Variants in PFKFB4 observed in about 807,000 individuals in gnomAD.
PFKFB4 encodes 6-phosphofructo-2-kinase/fructose-2,6-bisphosphatase 4.
A neutral mutation model predicts 62.8 loss-of-function variants in PFKFB4; 42 were observed. That is an observed-to-expected ratio of 0.67 (90% CI 0.52 to 0.86). The LOEUF (loss-of-function observed/expected upper bound fraction) is 0.86. Among genes scored for constraint, PFKFB4 ranks in the 40% least tolerant of loss-of-function variants. PFKFB4 has a pLI of 0.00. For synonymous variants in PFKFB4, 204 were observed against 240.7 expected, an observed-to-expected ratio of 0.85 and a Z score of 1.41; for missense variants, 475 against 627.2, an observed-to-expected ratio of 0.76 and a Z score of 2.59.
chr3:48,534,902 G>T (rs1315121103), intron 9 of PFKFB4, among the ~76,000 whole-genome samples: 1 of 151,736 alleles, frequency 6.6e-6, no homozygotes, highest in Non-Finnish European at 1.5e-5. Context: ...TCTGTCTCCT[G>T]GGTTCAAGCA....
rs1045071889 is a variant in PFKFB4, at chr3:48,527,981, G to T, written c.988-2312C>A. 3.3e-5 allele frequency among the ~76,000 whole-genome samples: 5 copies of T among 151,942 alleles called. 1 individual carries two copies. The South Asian group carries it at 6.2e-4, about 19-fold the overall frequency. On this transcript the variant is annotated intron_variant, in intron 9 of 13. Transcript: ENST00000232375. ...TGGGATTACAGTCATGAGCCACTACGCCCGGCCAGCTTCCACCATCGTAAA... is the reference window on the plus strand; with the variant it reads ...TGGGATTACAGTCATGAGCCACTACTCCCGGCCAGCTTCCACCATCGTAAA...
chr3:48,539,911 C>CTG, intron 4 of PFKFB4, 140 bp from the exon 5 acceptor site: 1 of 685,812 alleles, frequency 1.5e-6, no homozygotes. Context: ...GCTGCCAGGT[C>CTG]CACCTGCCTG....
At chr3:48,544,671 T>C (rs1387750322) in intron 3 of PFKFB4, among the ~76,000 whole-genome samples, 1 of 151,932 alleles carries the variant, frequency 6.6e-6, no homozygotes, top group Non-Finnish European at 1.5e-5. Flanking sequence ...TACACAATCT[T>C]TTTAAGTTCT....
At position 48,525,629 on chromosome 3, in the gene PFKFB4, T is replaced by C. The variant is rs1265711921; in HGVS notation, c.1028A>G (p.Asn343Ser). The change falls in exon 10 of 14, where the codon AAT becomes AGT. Residue 343 changes from asparagine (N) to serine (S), a missense_variant. Coordinates refer to ENST00000232375, the MANE Select transcript of PFKFB4 (RefSeq NM_004567.4). Reference protein sequence around the residue: ...EEMTYEEIQDNYPLEFALRDQ... With the variant: ...EEMTYEEIQDSYPLEFALRDQ... ...CCGCAGGGCGAACTCCAGTGGATAATTATCCTGAATTTCCTCGTAGGTCAT... is the reference window on the plus strand; with the variant it reads ...CCGCAGGGCGAACTCCAGTGGATAACTATCCTGAATTTCCTCGTAGGTCAT... 4 of 1,608,018 alleles carry C rather than the reference T, an allele frequency of 2.5e-6. No homozygotes were observed. The highest frequency in any genetic ancestry group is 1.1e-5 in the South Asian group (1 of 90,636).
intron 7 of PFKFB4, among the ~76,000 whole-genome samples, chr3:48,537,516 CTTTTTTTTTTTTTT>C (rs34454675): frequency 5.5e-5 from 5 of 91,392 alleles, no homozygotes; most frequent in South Asian, 3.6e-4. Flanking sequence ...CATGTGCATC[CTTTTTTTTTTTTTT>C]TTTTTTTTTT....
chr3:48,529,556 T>C (rs1367210013), intron 9 of PFKFB4, among the ~76,000 whole-genome samples: 2 of 152,152 alleles, frequency 1.3e-5, no homozygotes, highest in African/African-American at 4.8e-5. Flanking sequence ...GAAGACACTG[T>C]CCTATAACCT....
At position 48,523,815 on chromosome 3, in the gene PFKFB4, C is replaced by T. The variant is rs1270237148; in HGVS notation, c.1108G>A (p.Val370Ile). Reference protein sequence around the residue: ...YPKGESYEDLVQRLEPVIMEL... With the variant: ...YPKGESYEDLIQRLEPVIMEL... ...ATGATGACAGGCTCCAGTCTCTGGA[C>T]CAGGTCCTCGTAGGACTGCAAGGGC... Residue 370 changes from valine (V) to isoleucine (I), a missense_variant, in exon 11 of 14, where the codon GTC becomes ATC. Coordinates refer to ENST00000232375, the MANE Select transcript of PFKFB4 (RefSeq NM_004567.4). The T allele has an allele frequency of 1.9e-6, 3 of 1,614,056 alleles. No individual in the cohort carries two copies. Among genetic ancestry groups the T allele is most frequent in the Non-Finnish European group, 1.7e-6 (2 of 1,179,934 alleles).
At chr3:48,553,870 G>A (rs1479430217) in intron 1 of PFKFB4, among the ~76,000 whole-genome samples, 2 of 152,210 alleles carry the variant, frequency 1.3e-5, no homozygotes, top group Non-Finnish European at 2.9e-5. Flanking sequence ...TACCCAGGAA[G>A]AGTCTTGCCA....
intron 9 of PFKFB4, among the ~76,000 whole-genome samples, chr3:48,531,803 G>A (rs1186798144): frequency 2.6e-5 from 4 of 151,528 alleles, no homozygotes; most frequent in African/African-American, 7.3e-5. Context: ...TTAAAAAAAA[G>A]AAAAAATATA....
intron 9 of PFKFB4, among the ~76,000 whole-genome samples, chr3:48,533,023 TAG>T (rs997250417): frequency 2.0e-5 from 3 of 152,206 alleles, no homozygotes; most frequent in Admixed American, 6.5e-5. Flanking sequence ...GAGTAGCAAA[TAG>T]AGTTATTGTT....
chr3:48,522,242 G>A (rs990389721), intron 12 of PFKFB4, among the ~76,000 whole-genome samples, 192 bp from the exon 13 acceptor site: 2 of 152,172 alleles, frequency 1.3e-5, no homozygotes, highest in African/African-American at 4.8e-5. Flanking sequence ...TCAGACCCAC[G>A]CATATCTATG....
In PFKFB4 at chr3:48,554,330, T is replaced by C. The variant is rs116586236; in HGVS notation, c.97+2351A>G. Among the ~76,000 whole-genome samples the C allele has an allele frequency of 6.2e-3, 942 of 152,116 alleles. 4 individuals carry two copies. The highest frequency in any genetic ancestry group is 9.0e-3 in the Non-Finnish European group (611 of 67,990). ...AAATGCAGGCACTGGGAGCTGGAGGTGCTGCATGGGCGGGTTCCATGTTCA... is the reference window on the plus strand; with the variant it reads ...AAATGCAGGCACTGGGAGCTGGAGGCGCTGCATGGGCGGGTTCCATGTTCA... On this transcript the variant is annotated intron_variant, in intron 1 of 13. Transcript: ENST00000232375.
At chr3:48,522,575 G>A (rs1284081527) in intron 12 of PFKFB4, among the ~76,000 whole-genome samples, 2 of 152,130 alleles carry the variant, frequency 1.3e-5, no homozygotes, top group African/African-American at 2.4e-5. Flanking sequence ...AGTCTCTGCT[G>A]GTATAGCAAG....
Position 48,538,454 on chromosome 3 carries a change from C to T in PFKFB4, c.632+44G>A, listed in dbSNP as rs774179662. Reference sequence around the variant, plus strand: ...GGAGGCAGCCAAGTATGACCCCTGCCGCCCACCATCACAGCTGCAGGGCCT... The same window carrying T: ...GGAGGCAGCCAAGTATGACCCCTGCTGCCCACCATCACAGCTGCAGGGCCT... On this transcript the variant is annotated intron_variant, in intron 7 of 13. Coordinates refer to ENST00000232375, the MANE Select transcript of PFKFB4 (RefSeq NM_004567.4). 3.3e-5 allele frequency: 53 copies of T among 1,604,934 alleles called. No homozygotes were observed. In the East Asian group the frequency reaches 4.2e-4, roughly 13 times the overall value.
At chr3:48,555,036 G>A (rs2043268857) in intron 1 of PFKFB4, among the ~76,000 whole-genome samples, 1 of 124,008 alleles carries the variant, frequency 8.1e-6, no homozygotes, top group African/African-American at 3.2e-5. Flanking sequence ...GGCAACAAGA[G>A]TGAAACTCCG....
chr3:48,559,060 C>A (rs577145016), upstream of PFKFB4, among the ~76,000 whole-genome samples: 18 of 152,342 alleles, frequency 1.2e-4, no homozygotes, highest in Non-Finnish European at 2.2e-4. Context: ...TCCTGGGATG[C>A]TAATCAAGGG....
At chr3:48,526,325 C>A (rs920641423) in intron 9 of PFKFB4, among the ~76,000 whole-genome samples, 1 of 152,030 alleles carries the variant, frequency 6.6e-6, no homozygotes, top group Non-Finnish European at 1.5e-5. Context: ...GTAATCCCAG[C>A]ACTTTGGGAG....
Position 48,539,746 on chromosome 3 carries a change from C to T in PFKFB4, c.404G>A (p.Arg135Gln). 1.9e-6 allele frequency: 3 copies of T among 1,614,160 alleles called. No homozygotes were observed. Among genetic ancestry groups the T allele is most frequent in the South Asian group, 1.1e-5 (1 of 91,078 alleles). The change falls in exon 5 of 14, where the codon CGA becomes CAA. Residue 135 changes from arginine (R) to glutamine (Q), a missense_variant. Arg to Gln is a conservative substitution (Grantham distance 43). Coordinates refer to ENST00000232375, the MANE Select transcript of PFKFB4 (RefSeq NM_004567.4). ...VAVFDATNTT[R>Q]ERRATIFNFG... ...ATTAAAGATGGTCGCTCTCCGTTCTCGGGTGGTGTTTGTGGCATCAAAAAC... is the reference window on the plus strand; with the variant it reads ...ATTAAAGATGGTCGCTCTCCGTTCTTGGGTGGTGTTTGTGGCATCAAAAAC...
intron 3 of PFKFB4, among the ~76,000 whole-genome samples, chr3:48,545,401 G>A (rs1043609103): frequency 4.6e-5 from 7 of 152,184 alleles, no homozygotes; most frequent in African/African-American, 1.4e-4. Flanking sequence ...CCAAGTGCTG[G>A]GATTGCAAGC....
Sources: allele counts gnomAD v4.1 joint callset (sites outside exome capture counted in the v4.1 genomes callset), GRCh38; gene constraint gnomAD v4.1.1; transcripts MANE v1.5; gene names NCBI Gene and HGNC (gene_info 2026-07-23, HGNC 2026-07-21).